PTPRT: variants seen among roughly 807,000 people sequenced by gnomAD.
The protein encoded by PTPRT is receptor-type tyrosine-protein phosphatase T.
Under a neutral mutation model 176.8 loss-of-function variants are expected in PTPRT, and 56 were observed. The observed-to-expected ratio is 0.32, with a 90% confidence interval of 0.26 to 0.40. The LOEUF (loss-of-function observed/expected upper bound fraction) is 0.40. Ranked by LOEUF, PTPRT falls within the 10% of genes least tolerant of loss-of-function variation. PTPRT has a pLI of 1.00. For missense variants in PTPRT, 1,540 were observed against 1,908.2 expected, an observed-to-expected ratio of 0.81 and a Z score of 3.60; for synonymous variants, 783 against 739.0, an observed-to-expected ratio of 1.06 and a Z score of -0.96.
At chr20:42,124,204 G>C (rs765010739) in intron 19 of PTPRT, among the ~76,000 whole-genome samples, 1 of 152,216 alleles carries the variant, frequency 6.6e-6, no homozygotes, top group African/African-American at 2.4e-5. Flanking sequence ...CCAAGAGCGA[G>C]TACAGAAAAC....
chr20:42,690,918 C>T (rs1056127294), intron 6 of PTPRT, among the ~76,000 whole-genome samples: 2 of 152,192 alleles, frequency 1.3e-5, no homozygotes, highest in African/African-American at 4.8e-5. Context: ...ACAGGCCCTA[C>T]ATAAACGTGA....
chr20:42,831,224 C>T (rs1392752201), intron 2 of PTPRT, among the ~76,000 whole-genome samples: 1 of 151,958 alleles, frequency 6.6e-6, no homozygotes, highest in Admixed American at 6.6e-5. Context: ...AAGTAAGGCC[C>T]CACACCTACA....
intron 1 of PTPRT, among the ~76,000 whole-genome samples, chr20:43,145,433 T>A (rs1021376389): frequency 6.6e-6 from 1 of 152,218 alleles, no homozygotes; most frequent in Non-Finnish European, 1.5e-5. Context: ...ATAGGCTTCT[T>A]AAGTTGCCAC....
chr20:42,492,481 C>CT (rs1282059521), intron 7 of PTPRT, among the ~76,000 whole-genome samples: 2 of 151,948 alleles, frequency 1.3e-5, no homozygotes, highest in African/African-American at 4.8e-5. Context: ...TTTTTGCCAT[C>CT]TGTATATACA....
chr20:42,387,180 C>T (rs551621076), intron 9 of PTPRT, among the ~76,000 whole-genome samples: 13 of 152,290 alleles, frequency 8.5e-5, no homozygotes, highest in East Asian at 7.7e-4. Flanking sequence ...AGAGGATAAG[C>T]GGTACCTATA....
rs569887128 is a variant in PTPRT, at chr20:42,305,016, A to G, written c.2139+10707T>C. Among the ~76,000 whole-genome samples, 12 of 152,282 alleles carry G rather than the reference A, an allele frequency of 7.9e-5. No homozygotes were observed. The South Asian group carries it at 2.5e-3, about 32-fold the overall frequency. ...CCTATACTAGGCCTCTGGTGCAATG[A>G]TTACTCTTTATTCCACTATAAGATT... On this transcript the variant is annotated intron_variant, in intron 12 of 30. Transcript: ENST00000373187.
chr20:43,056,815 G>T (rs889151418), intron 1 of PTPRT, among the ~76,000 whole-genome samples: 1 of 152,140 alleles, frequency 6.6e-6, no homozygotes, highest in African/African-American at 2.4e-5. Flanking sequence ...AGACTCAAAC[G>T]GATTAATTGT....
the PTPRT span, among the ~76,000 whole-genome samples, chr20:42,038,687 G>A: frequency 2.0e-5 from 3 of 152,236 alleles, no homozygotes; most frequent in Non-Finnish European, 2.9e-5. Context: ...CCTGTAGGGT[G>A]TGGTGATGAT....
intron 7 of PTPRT, among the ~76,000 whole-genome samples, chr20:42,598,946 T>G (rs866082625): frequency 1.6e-4 from 25 of 152,216 alleles, no homozygotes; most frequent in Middle Eastern, 3.2e-3. Context: ...AAGAAGATAC[T>G]GGCAGGCTAG....
chr20:42,559,878 C>G (rs1332514092), intron 7 of PTPRT, among the ~76,000 whole-genome samples: 1 of 152,154 alleles, frequency 6.6e-6, no homozygotes, highest in African/African-American at 2.4e-5. Context: ...CTCATCCAAG[C>G]CGGGTGGGAG....
intron 1 of PTPRT, among the ~76,000 whole-genome samples, chr20:43,173,692 G>A (rs1034236501): frequency 6.6e-6 from 1 of 152,224 alleles, no homozygotes; most frequent in Non-Finnish European, 1.5e-5. Flanking sequence ...TGGGTCCCCA[G>A]TGTGAAATCA....
intron 9 of PTPRT, among the ~76,000 whole-genome samples, chr20:42,439,258 T>C (rs2059290607): frequency 1.3e-5 from 2 of 152,160 alleles, no homozygotes; most frequent in African/African-American, 4.8e-5. Flanking sequence ...TTGTTTTGTG[T>C]GTGCACATGT....
intron 7 of PTPRT, among the ~76,000 whole-genome samples, chr20:42,646,858 C>A (rs1254248050): frequency 7.4e-6 from 1 of 134,298 alleles, no homozygotes; most frequent in Non-Finnish European, 1.5e-5. Flanking sequence ...GGCTCTATAT[C>A]TAGAGATCCC....
At chr20:42,332,701 T>C (rs1368692897) in intron 11 of PTPRT, among the ~76,000 whole-genome samples, 2 of 152,162 alleles carry the variant, frequency 1.3e-5, no homozygotes, top group African/African-American at 4.8e-5. Context: ...ACTGACAGTA[T>C]TTGTTGTCAA....
At chr20:42,540,325 T>G (rs2145575856) in intron 7 of PTPRT, among the ~76,000 whole-genome samples, 1 of 152,244 alleles carries the variant, frequency 6.6e-6, no homozygotes, top group East Asian at 1.9e-4. Flanking sequence ...GGTCTTCACA[T>G]GCTGACCTGC....
At chr20:43,133,081 G>A (rs547577245) in intron 1 of PTPRT, among the ~76,000 whole-genome samples, 16 of 152,246 alleles carry the variant, frequency 1.1e-4, no homozygotes, top group Admixed American at 1.0e-3. Flanking sequence ...CTGGGGAAGA[G>A]GGGCGGACAT....
At chr20:42,595,546 G>C (rs940063589) in intron 7 of PTPRT, among the ~76,000 whole-genome samples, 1 of 152,162 alleles carries the variant, frequency 6.6e-6, no homozygotes, top group African/African-American at 2.4e-5. Context: ...CCTGAGCTAA[G>C]TGGTGCCAGA....
intron 1 of PTPRT, among the ~76,000 whole-genome samples, chr20:43,071,167 A>G (rs1174480130): frequency 6.6e-6 from 1 of 152,098 alleles, no homozygotes; most frequent in East Asian, 1.9e-4. Context: ...CCAAGGCCAC[A>G]TCCTTGCGGA....
chr20:43,147,386 G>A (rs1215511666), intron 1 of PTPRT, among the ~76,000 whole-genome samples: 3 of 152,044 alleles, frequency 2.0e-5, no homozygotes, highest in South Asian at 2.1e-4. Context: ...CTCAATAAAC[G>A]CCAACCATCA....
Sources: allele counts gnomAD v4.1 joint callset (sites outside exome capture counted in the v4.1 genomes callset), GRCh38; gene constraint gnomAD v4.1.1; transcripts MANE v1.5; gene names NCBI Gene and HGNC (gene_info 2026-07-23, HGNC 2026-07-21).